CDRT4: variants seen among roughly 807,000 people sequenced by gnomAD.
CDRT4 encodes the protein CMT1A duplicated region transcript 4 protein.
For missense variants in CDRT4, 167 were observed against 193.1 expected (o/e 0.87, Z 0.80); for synonymous variants, 64 against 69.6 (o/e 0.92, Z 0.40).
At chr17:15,453,924 T>C (rs1369269062) in intron 1 of CDRT4, among the ~76,000 whole-genome samples, 2 of 152,174 alleles carry the variant, frequency 1.3e-5, no homozygotes, top group African/African-American at 4.8e-5. Flanking sequence ...TATACAGCAC[T>C]GGGCAGAGGG....
intron 2 of CDRT4, among the ~76,000 whole-genome samples, chr17:15,441,867 G>T (rs2150785823): frequency 6.6e-6 from 1 of 152,266 alleles, no homozygotes; most frequent in East Asian, 1.9e-4. Flanking sequence ...ATTATTCTGA[G>T]GCTAGGGAAG....
Position 15,437,532 on chromosome 17 carries a change from C to G in CDRT4, c.*241G>C. ...TGGTCCTGAGAATCTGCAGCAGAGA[C>G]TAGAGCCAGGGACTGCCCAAACCCA... On this transcript the variant is annotated 3_prime_UTR_variant, in exon 4 of 4. Transcript: ENST00000619038. 1.8e-6 allele frequency: 1 copy of G among 560,666 alleles called. No homozygotes were observed. Among genetic ancestry groups the G allele is most frequent in the African/African-American group, 1.9e-5 (1 of 53,374 alleles). 34.7% of individuals were successfully genotyped at this position (560,666 alleles called of 1,614,324 possible).
chr17:15,444,173 T>C lies in CDRT4; in HGVS notation c.-47-3888A>G. ...TATATGTCTCTGAAAAAGGAACTGT[T>C]CAGCAGGCCGATGAATAAGATCTAA... On this transcript the variant is annotated intron_variant, in intron 2 of 3. Transcript: ENST00000619038. 2.6e-6 allele frequency: 3 copies of C among 1,159,584 alleles called. No individual in the cohort carries two copies. In the South Asian group the frequency reaches 3.7e-5, roughly 14 times the overall value. 71.8% of individuals were successfully genotyped at this position (1,159,584 alleles called of 1,614,324 possible). A position where few individuals can be genotyped will look rare whatever the true frequency, so the allele number is the denominator to read the frequency against.
At chr17:15,448,161 C>T (rs965372264) in intron 2 of CDRT4, among the ~76,000 whole-genome samples, 7 of 152,168 alleles carry the variant, frequency 4.6e-5, no homozygotes, top group Non-Finnish European at 7.3e-5. Flanking sequence ...CCAAGCCACC[C>T]CTTTTCAAAC....
chr17:15,460,230 TGTTA>T (rs1397618929), intron 1 of CDRT4, among the ~76,000 whole-genome samples: 6 of 152,202 alleles, frequency 3.9e-5, no homozygotes, highest in Non-Finnish European at 8.8e-5. Context: ...TCTTCCAGTT[TGTTA>T]ACCAGCACCC....
chr17:15,466,161 G>C (rs1980033600), intron 1 of CDRT4, among the ~76,000 whole-genome samples: 1 of 152,178 alleles, frequency 6.6e-6, no homozygotes, highest in African/African-American at 2.4e-5. Context: ...GAACTGACAA[G>C]TGACAGAGTC....
At chr17:15,453,171 T>A (rs1336582867) in intron 1 of CDRT4, 86 bp from the exon 2 acceptor site, 1 of 152,174 alleles carries the variant, frequency 6.6e-6, no homozygotes, top group Non-Finnish European at 1.5e-5. Flanking sequence ...GGAGGGAGAA[T>A]TGACACTTAA....
At chr17:15,467,021 G>A (rs1018167610) in intron 1 of CDRT4, among the ~76,000 whole-genome samples, 47 of 152,298 alleles carry the variant, frequency 3.1e-4, no homozygotes, top group African/African-American at 9.9e-4. Flanking sequence ...TAATGCATCT[G>A]TGGGAACATC....
At chr17:15,446,680 T>C (rs1207115454) in intron 2 of CDRT4, among the ~76,000 whole-genome samples, 1 of 152,156 alleles carries the variant, frequency 6.6e-6, no homozygotes, top group East Asian at 1.9e-4. Flanking sequence ...ACCGTGCCTC[T>C]TTCTGGTGGA....
chr17:15,449,167 G>A (rs1249354677), intron 2 of CDRT4, among the ~76,000 whole-genome samples: 1 of 152,248 alleles, frequency 6.6e-6, no homozygotes, highest in Non-Finnish European at 1.5e-5. Flanking sequence ...AGAGGAAAAC[G>A]CCACTGTGCC....
In CDRT4 at chr17:15,438,003, T is replaced by A. The variant is rs1978575294; in HGVS notation, c.229A>T (p.Lys77Ter). ...QNKPSSVIQPKRRKSSKSSGK... is the reference protein window; with the variant it reads ...QNKPSSVIQP ...GAAGACTTGGAAGACTTCCTCCTTTTCGGCTGAATGACGCTGGAAGGTTTA... is the reference window on the plus strand; with the variant it reads ...GAAGACTTGGAAGACTTCCTCCTTTACGGCTGAATGACGCTGGAAGGTTTA... Residue 77 changes from lysine (K) to a stop codon, truncating the protein, a stop_gained, in exon 4 of 4, where the codon AAA becomes TAA. Transcript: ENST00000619038. LOFTEE classifies it low-confidence loss of function (END_TRUNC). 2 of 1,614,084 alleles carry A rather than the reference T, an allele frequency of 1.2e-6. No individual in the cohort carries two copies. Among genetic ancestry groups the A allele is most frequent in the African/African-American group, 1.3e-5 (1 of 74,938 alleles).
chr17:15,462,402 T>C lies in CDRT4; in HGVS notation c.-130+5058A>G, dbSNP rs1404588422. Reference sequence around the variant, plus strand: ...GAGATCACACCACTGCACTCCAGCCTGGGCAACAGAGTGAGACTCCATCTC... The same window carrying C: ...GAGATCACACCACTGCACTCCAGCCCGGGCAACAGAGTGAGACTCCATCTC... On this transcript the variant is annotated intron_variant, in intron 1 of 3. Coordinates refer to ENST00000619038, the MANE Select transcript of CDRT4 (RefSeq NM_001204477.2). Among the ~76,000 whole-genome samples the C allele has an allele frequency of 7.5e-5, 9 of 120,574 alleles. No homozygotes were observed. In the Admixed American group the frequency reaches 1.0e-3, roughly 14 times the overall value. 79.1% of individuals were successfully genotyped at this position (120,574 alleles called of 152,430 possible). A position where few individuals can be genotyped will look rare whatever the true frequency, so the allele number is the denominator to read the frequency against.
At chr17:15,444,649 C>T (rs552037949) in intron 2 of CDRT4, among the ~76,000 whole-genome samples, 5 of 151,422 alleles carry the variant, frequency 3.3e-5, no homozygotes, top group Admixed American at 6.6e-5. Flanking sequence ...GCCAGGAGTT[C>T]GAGGCCAGTC....
intron 1 of CDRT4, among the ~76,000 whole-genome samples, chr17:15,467,078 G>A (rs559677038): frequency 1.4e-4 from 22 of 152,300 alleles, no homozygotes; most frequent in Admixed American, 4.6e-4. Flanking sequence ...GGGGGGGAAC[G>A]GGGGTATATT....
chr17:15,459,028 A>G (rs903735896), intron 1 of CDRT4, among the ~76,000 whole-genome samples: 1 of 152,092 alleles, frequency 6.6e-6, no homozygotes, highest in African/African-American at 2.4e-5. Flanking sequence ...AAAATCTGCA[A>G]TTTTCATGAT....
chr17:15,451,941 C>T (rs1465164547), intron 2 of CDRT4, among the ~76,000 whole-genome samples: 1 of 152,236 alleles, frequency 6.6e-6, no homozygotes, highest in African/African-American at 2.4e-5. Flanking sequence ...TCCCCAGGCT[C>T]TTGGGTCAAA....
At chr17:15,445,237 T>C (rs985733765) in intron 2 of CDRT4, among the ~76,000 whole-genome samples, 1 of 152,196 alleles carries the variant, frequency 6.6e-6, no homozygotes, top group Non-Finnish European at 1.5e-5. Context: ...AAGATGTTAA[T>C]AGGTATTACT....
chr17:15,461,403 G>A (rs2150799391), intron 1 of CDRT4, among the ~76,000 whole-genome samples: 1 of 152,316 alleles, frequency 6.6e-6, no homozygotes, highest in South Asian at 2.1e-4. Flanking sequence ...GCCTAGGAAT[G>A]CTGGGAAGAC....
chr17:15,457,710 G>T (rs1297004134), intron 1 of CDRT4, among the ~76,000 whole-genome samples: 1 of 152,222 alleles, frequency 6.6e-6, no homozygotes. Context: ...TCTGAGCTCA[G>T]CAGCTTCTCA....
Sources: allele counts gnomAD v4.1 joint callset (sites outside exome capture counted in the v4.1 genomes callset), GRCh38; gene constraint gnomAD v4.1.1; transcripts MANE v1.5; gene names NCBI Gene and HGNC (gene_info 2026-07-23, HGNC 2026-07-21).